Variants in ALG14 observed in about 807,000 individuals in gnomAD.
The protein encoded by ALG14 is ALG14 UDP-N-acetylglucosaminyltransferase subunit.
A neutral mutation model predicts 22.8 loss-of-function variants in ALG14; 17 were observed. The ratio of observed to expected loss-of-function variants is 0.75; its 90% CI spans 0.51 to 1.12. ALG14 has a LOEUF of 1.12. Among genes scored for constraint, ALG14 ranks in the 50% most tolerant of loss-of-function variants. The probability of loss-of-function intolerance (pLI) is 0.00; values close to 1 mark genes in which losing one functional copy is unlikely to be tolerated. For missense variants in ALG14, 288 were observed against 271.8 expected, an observed-to-expected ratio of 1.06 and a Z score of -0.42; for synonymous variants, 89 against 103.7, an observed-to-expected ratio of 0.86 and a Z score of 0.86.
At chr1:94,986,794 T>C (rs1672656396) in intron 3 of ALG14, among the ~76,000 whole-genome samples, 1 of 144,418 alleles carries the variant, frequency 6.9e-6, no homozygotes, top group Admixed American at 6.9e-5. Context: ...TTTTTAACCA[T>C]CCCACATCCA....
chr1:95,017,157 C>G (rs746497835), intron 3 of ALG14, among the ~76,000 whole-genome samples: 2 of 151,950 alleles, frequency 1.3e-5, no homozygotes, highest in Non-Finnish European at 2.9e-5. Flanking sequence ...GAGTGCTGGT[C>G]TTAGAAATAA....
chr1:95,066,884 G>A (rs1412763283), intron 1 of ALG14, among the ~76,000 whole-genome samples: 1 of 152,044 alleles, frequency 6.6e-6, no homozygotes, highest in Non-Finnish European at 1.5e-5. Flanking sequence ...AAAACAAGTG[G>A]TGGTACTCCA....
intron 3 of ALG14, among the ~76,000 whole-genome samples, chr1:94,992,337 TTGTC>T: frequency 6.6e-6 from 1 of 152,150 alleles, no homozygotes; most frequent in East Asian, 1.9e-4. Context: ...TCACTATTGT[TTGTC>T]TGTCATTGAC....
chr1:95,056,807 C>T (rs1469169969), intron 2 of ALG14, among the ~76,000 whole-genome samples: 1 of 151,168 alleles, frequency 6.6e-6, no homozygotes, highest in Admixed American at 6.5e-5. Flanking sequence ...GCCTGTAATC[C>T]CAGCACTTTG....
chr1:95,027,829 A>G (rs1259032802), intron 2 of ALG14, among the ~76,000 whole-genome samples: 1 of 152,214 alleles, frequency 6.6e-6, no homozygotes, highest in Non-Finnish European at 1.5e-5. Flanking sequence ...GGAAATATCT[A>G]TCAGAACTTT....
intron 1 of ALG14, among the ~76,000 whole-genome samples, chr1:95,072,268 T>G (rs908784359): frequency 5.3e-5 from 8 of 152,254 alleles, no homozygotes; most frequent in Admixed American, 1.3e-4. Context: ...GACAGGTCAG[T>G]GTGTTGCTCA....
rs779018163 is a variant in ALG14 at position 94,983,111 on chromosome 1, A to G, written c.616T>C (p.Tyr206His). The change falls in exon 4 of 4, where the codon TAT (tyrosine) becomes CAT (histidine). Residue 206 changes from tyrosine (Y) to histidine (H), a missense_variant. Transcript: ENST00000370205. ...IVQWPALKEK[Y>H]PKSVYLGRIV Reference sequence around the variant, plus strand: ...CGCCCAAGGTACACCGATTTGGGATACTTTTCTTTCAGAGCCGGCCACTGA... The same window carrying G: ...CGCCCAAGGTACACCGATTTGGGATGCTTTTCTTTCAGAGCCGGCCACTGA... The G allele has an allele frequency of 1.9e-6, 3 of 1,614,178 alleles. No homozygotes were observed. Among genetic ancestry groups the G allele is most frequent in the Non-Finnish European group, 2.5e-6 (3 of 1,180,016 alleles).
At chr1:95,069,974 A>C (rs1459376154) in intron 1 of ALG14, among the ~76,000 whole-genome samples, 1 of 152,220 alleles carries the variant, frequency 6.6e-6, no homozygotes, top group Non-Finnish European at 1.5e-5. Flanking sequence ...GGAAGGCAGG[A>C]GAATTGCTTG....
At chr1:94,996,743 A>T (rs1213750785) in intron 3 of ALG14, among the ~76,000 whole-genome samples, 1 of 152,104 alleles carries the variant, frequency 6.6e-6, no homozygotes, top group Non-Finnish European at 1.5e-5. Flanking sequence ...ATGCAGTGGC[A>T]CAATCTCGGC....
At chr1:95,001,838 A>C (rs1327548822) in intron 3 of ALG14, among the ~76,000 whole-genome samples, 1 of 152,192 alleles carries the variant, frequency 6.6e-6, no homozygotes, top group African/African-American at 2.4e-5. Context: ...ATATAAGTGG[A>C]GAAGACAGAG....
chr1:94,997,265 A>T (rs1672932822), intron 3 of ALG14, among the ~76,000 whole-genome samples: 1 of 152,156 alleles, frequency 6.6e-6, no homozygotes, highest in African/African-American at 2.4e-5. Flanking sequence ...GGTGGGGCTC[A>T]GTCTGTCAGT....
At chr1:95,000,507 G>A (rs1489779283) in intron 3 of ALG14, among the ~76,000 whole-genome samples, 3 of 130,350 alleles carry the variant, frequency 2.3e-5, no homozygotes, top group Non-Finnish European at 4.6e-5. Flanking sequence ...CTATACTCCA[G>A]CCTGCGTAAC....
rs66813692 is a variant in ALG14, at chr1:94,979,290, G to GAAAAAAAAAAAAAAAAAAA, written c.*3767_*3785dup. ...CTGGGCGATGGAGCGAGACTGTCTC[G>GAAAAAAAAAAAAAAAAAAA]AAAAAAAAAAAAAAAAAAAAAAAAG... is the stretch of plus-strand genomic sequence containing the variant. On this transcript the variant is annotated 3_prime_UTR_variant, in exon 4 of 4. Transcript: ENST00000370205. 1 of 76,450 alleles carries GAAAAAAAAAAAAAAAAAAA rather than the reference G, an allele frequency of 1.3e-5. No individual in the cohort carries two copies. Among genetic ancestry groups the GAAAAAAAAAAAAAAAAAAA allele is most frequent in the African/African-American group, 4.6e-5 (1 of 21,744 alleles). The allele number at this position is 76,450 out of a possible 1,614,324, so 4.7% of individuals were successfully genotyped here.
chr1:95,027,279 A>T lies in ALG14; in HGVS notation c.289-19T>A. 6.2e-7 allele frequency: 1 copy of T among 1,612,824 alleles called. No individual in the cohort carries two copies. Among genetic ancestry groups the T allele is most frequent in the Non-Finnish European group, 8.5e-7 (1 of 1,178,994 alleles). ...TGGTATACTAGAAGGAAACAGATGG[A>T]ATCCAAATCAACTGAGTCACTGATA... On this transcript the variant is annotated intron_variant, in intron 2 of 3. Transcript: ENST00000370205.
intron 2 of ALG14, among the ~76,000 whole-genome samples, chr1:95,057,139 T>G (rs1000964129): frequency 6.0e-5 from 9 of 150,700 alleles, no homozygotes; most frequent in African/African-American, 2.2e-4. Flanking sequence ...TACCGTTTTA[T>G]ATATATATAA....
At chr1:95,040,652 T>C (rs527599250) in intron 2 of ALG14, among the ~76,000 whole-genome samples, 8 of 152,332 alleles carry the variant, frequency 5.3e-5, no homozygotes, top group African/African-American at 1.7e-4. Context: ...CCTGATTTTA[T>C]AACAGCACAA....
intron 3 of ALG14, among the ~76,000 whole-genome samples, chr1:95,023,634 CAATTT>C (rs1454397638): frequency 6.6e-6 from 1 of 152,146 alleles, no homozygotes; most frequent in Non-Finnish European, 1.5e-5. Flanking sequence ...CATTTCCTTT[CAATTT>C]GTTAATATGG....
chr1:95,053,860 T>A (rs996243740), intron 2 of ALG14, among the ~76,000 whole-genome samples: 11 of 152,318 alleles, frequency 7.2e-5, no homozygotes, highest in African/African-American at 2.6e-4. Flanking sequence ...ATAATTTCTT[T>A]TTAAGCACAG....
Position 95,072,592 on chromosome 1 carries a change from A to C in ALG14, c.136+171T>G, listed in dbSNP as rs532098161. ...AAAAAACCTCTGGGCCGCGTCAGCA[A>C]ACCAGCCCCTACCCTGGCTGGACTG... On this transcript the variant is annotated intron_variant, in intron 1 of 3. Coordinates refer to ENST00000370205, the MANE Select transcript of ALG14 (RefSeq NM_144988.4). 5.3e-5 allele frequency among the ~76,000 whole-genome samples: 8 copies of C among 152,340 alleles called. No individual in the cohort carries two copies. In the South Asian group the frequency reaches 1.2e-3, roughly 24 times the overall value.
Sources: allele counts gnomAD v4.1 joint callset (sites outside exome capture counted in the v4.1 genomes callset), GRCh38; gene constraint gnomAD v4.1.1; transcripts MANE v1.5; gene names NCBI Gene and HGNC (gene_info 2026-07-23, HGNC 2026-07-21).